The following BAZ2B variants were observed in gnomAD, a reference collection of about 807,000 sequenced individuals.
BAZ2B encodes the protein bromodomain adjacent to zinc finger domain protein 2B.
In BAZ2B, 91 loss-of-function variants were observed where a neutral mutation model predicts 246.0. The observed-to-expected ratio is 0.37, with a 90% CI of 0.31 to 0.44. The LOEUF (loss-of-function observed/expected upper bound fraction) is 0.44. Ranked by LOEUF, BAZ2B falls within the 20% of genes least tolerant of loss-of-function variation. The pLI is 1.00. For synonymous variants in BAZ2B, 855 were observed against 860.0 expected, an observed-to-expected ratio of 0.99 and a Z score of 0.10; for missense variants, 2,332 against 2,533.7, an observed-to-expected ratio of 0.92 and a Z score of 1.71.
At chr2:159,354,424 C>G (rs1445561669) in intron 27 of BAZ2B, among the ~76,000 whole-genome samples, 1 of 152,020 alleles carries the variant, frequency 6.6e-6, no homozygotes, top group Non-Finnish European at 1.5e-5. Flanking sequence ...AATCTCGGTT[C>G]ACTGCAACCT....
At chr2:159,610,844 T>C (rs1344425483) in intron 1 of BAZ2B, among the ~76,000 whole-genome samples, 1 of 152,114 alleles carries the variant, frequency 6.6e-6, no homozygotes, top group Non-Finnish European at 1.5e-5. Flanking sequence ...CACCTCATAT[T>C]CTTATAAAAC....
intron 2 of BAZ2B, among the ~76,000 whole-genome samples, chr2:159,531,825 T>C (rs1430345062): frequency 6.6e-6 from 1 of 152,200 alleles, no homozygotes. Context: ...CCATGCTTTA[T>C]TCACCTGAGA....
At chr2:159,663,118 T>C in the BAZ2B span, among the ~76,000 whole-genome samples, 1 of 152,112 alleles carries the variant, frequency 6.6e-6, no homozygotes, top group East Asian at 1.9e-4. Flanking sequence ...TCTTTTACCT[T>C]TTTGATGGTG....
chr2:159,477,996 ATTTT>A (rs1324010474), intron 3 of BAZ2B, among the ~76,000 whole-genome samples: 2 of 152,098 alleles, frequency 1.3e-5, no homozygotes, highest in African/African-American at 2.4e-5. Flanking sequence ...CTAATTTTGT[ATTTT>A]TAGTAGAGAT....
chr2:159,524,027 G>GA (rs552854301), intron 2 of BAZ2B, among the ~76,000 whole-genome samples: 4 of 151,972 alleles, frequency 2.6e-5, no homozygotes, highest in Non-Finnish European at 5.9e-5. Context: ...TAAACTATTG[G>GA]AAAAAAATAC....
intron 1 of BAZ2B, among the ~76,000 whole-genome samples, chr2:159,575,447 A>G (rs1303083885): frequency 6.6e-6 from 1 of 152,232 alleles, no homozygotes; most frequent in Non-Finnish European, 1.5e-5. Flanking sequence ...ATAAAGAGTT[A>G]TAATATTAGG....
chr2:159,489,983 A>G (rs1267490198), intron 2 of BAZ2B, among the ~76,000 whole-genome samples: 1 of 152,212 alleles, frequency 6.6e-6, no homozygotes, highest in Non-Finnish European at 1.5e-5. Context: ...GCTTCCATCA[A>G]TTTATTCCTT....
At chr2:159,549,827 T>TCTTTC (rs58897263) in intron 2 of BAZ2B, among the ~76,000 whole-genome samples, 1 of 143,424 alleles carries the variant, frequency 7.0e-6, no homozygotes, top group Non-Finnish European at 1.5e-5. Context: ...TTTCTTTCTT[T>TCTTTC]TTTTTTTTTT....
intron 2 of BAZ2B, among the ~76,000 whole-genome samples, chr2:159,510,416 C>T (rs1448158947): frequency 3.3e-5 from 5 of 152,064 alleles, no homozygotes; most frequent in African/African-American, 7.2e-5. Context: ...CTTGAGACCC[C>T]GTCTCAGCCT....
At chr2:159,392,205 T>G (rs973810127) in intron 20 of BAZ2B, 1 of 152,278 alleles carries the variant, frequency 6.6e-6, no homozygotes, top group African/African-American at 2.4e-5. Flanking sequence ...AAGACGGGCA[T>G]GTACACTAGG....
Position 159,319,484 on chromosome 2 carries a change from A to C in BAZ2B, c.*781T>G, listed in dbSNP as rs1408081006. The C allele has an allele frequency of 6.6e-6, 1 of 152,662 alleles. No homozygotes were observed. Among genetic ancestry groups the C allele is most frequent in the Non-Finnish European group, 1.5e-5 (1 of 68,036 alleles). The allele number at this position is 152,662 out of a possible 1,614,324, so 9.5% of individuals were successfully genotyped here. ...CCTTCAGACGAAAATAAAATGCTAC[A>C]ATCCTCTAAGGCATGAACAATAATG... On this transcript the variant is annotated 3_prime_UTR_variant, in exon 37 of 37. Coordinates refer to ENST00000392783, the MANE Select transcript of BAZ2B (RefSeq NM_013450.4). The surrounding 1 kb of genome is among the most constrained non-coding windows in gnomAD (Gnocchi z 4.0).
Position 159,386,501 on chromosome 2 carries a change from C to A in BAZ2B, c.3323G>T (p.Gly1108Val). The stretch of plus-strand genomic sequence containing the variant: ...TGGAACATCAATATTCACATCAAAG[C>A]CCAAAACTTTACCAAAGTTTCGTAA... The part of the protein sequence containing the change: ...QFLRNFGKVL[G>V]FDVNIDVPNL... Residue 1108 changes from glycine (G) to valine (V), a missense_variant, in exon 22 of 37, where the codon GGC (glycine) becomes GTC (valine). This residue lies in a region of BAZ2B where 328 missense variants were observed against 410.4 expected (regional missense o/e 0.80). Transcript: ENST00000392783. The A allele has an allele frequency of 6.2e-7, 1 of 1,613,574 alleles. No individual in the cohort carries two copies. Among genetic ancestry groups the A allele is most frequent in the Non-Finnish European group, 8.5e-7 (1 of 1,179,778 alleles).
At chr2:159,450,384 A>G (rs928284552) in intron 4 of BAZ2B, among the ~76,000 whole-genome samples, 1 of 152,002 alleles carries the variant, frequency 6.6e-6, no homozygotes, top group Non-Finnish European at 1.5e-5. Flanking sequence ...CAAAGAAAAA[A>G]AAAAAAAAAG....
chr2:159,595,206 G>A (rs978634446), intron 1 of BAZ2B, among the ~76,000 whole-genome samples: 3 of 151,844 alleles, frequency 2.0e-5, no homozygotes, highest in Non-Finnish European at 2.9e-5. Context: ...GGGTTCAAGC[G>A]ATTCTCCTGC....
At chr2:159,577,101 GC>G (rs892245932) in intron 1 of BAZ2B, among the ~76,000 whole-genome samples, 4 of 151,412 alleles carry the variant, frequency 2.6e-5, no homozygotes, top group African/African-American at 9.8e-5. Context: ...AGTGGTGTAT[GC>G]CTCTAGTCCC....
At position 159,417,330 on chromosome 2, in the gene BAZ2B, C is replaced by T. The variant is rs1433013364; in HGVS notation, c.2467-4785G>A. ...GGATTACAGGCGCTTGCCACCATAC[C>T]CGGCTAATTTTTGTATTTTTAGTAC... On this transcript the variant is annotated intron_variant, in intron 13 of 36. Transcript: ENST00000392783. 2.6e-5 allele frequency among the ~76,000 whole-genome samples: 4 copies of T among 151,808 alleles called. No individual in the cohort carries two copies. The East Asian group carries it at 5.8e-4, about 22-fold the overall frequency.
At chr2:159,410,175 T>C (rs1014717241) in intron 14 of BAZ2B, among the ~76,000 whole-genome samples, 1 of 152,226 alleles carries the variant, frequency 6.6e-6, no homozygotes, top group Non-Finnish European at 1.5e-5. Context: ...GAAGGGTCAA[T>C]AGCTTACTGA....
At chr2:159,516,105 T>A (rs1207303023) in intron 2 of BAZ2B, among the ~76,000 whole-genome samples, 1 of 152,112 alleles carries the variant, frequency 6.6e-6, no homozygotes, top group Non-Finnish European at 1.5e-5. Context: ...TTTTTCATTT[T>A]AAAAAATCCT....
At chr2:159,638,111 T>G in the BAZ2B span, among the ~76,000 whole-genome samples, 3 of 151,984 alleles carry the variant, frequency 2.0e-5, no homozygotes, top group Admixed American at 2.0e-4. Context: ...TGGAAGAAAG[T>G]AAGAAAAAAG....
Sources: gnomAD v4.1 joint callset for allele counts (sites outside exome capture counted in the v4.1 genomes callset) on GRCh38, gnomAD v4.1.1 for gene constraint, gnomAD v4.1.1 regional missense constraint, Gnocchi (gnomAD v3.1) non-coding constraint, MANE v1.5 for transcripts, NCBI Gene and HGNC (gene_info 2026-07-23, HGNC 2026-07-21) for gene names.